HECW1: variants seen among roughly 807,000 people sequenced by gnomAD.
HECW1 encodes HECT, C2 and WW domain containing E3 ubiquitin protein ligase 1.
HECW1 carries 61 observed loss-of-function variants against 182.3 expected under a neutral mutation model. That is an observed-to-expected ratio of 0.33 (90% CI 0.27 to 0.41). HECW1 has a LOEUF of 0.41. Among genes scored for constraint, HECW1 ranks in the 10% least tolerant of loss-of-function variants. HECW1 has a pLI of 1.00. For missense variants in HECW1, 1,739 were observed against 2,108.9 expected (o/e 0.82, Z 3.44); for synonymous variants, 859 against 832.6 (o/e 1.03, Z -0.55).
intron 5 of HECW1, among the ~76,000 whole-genome samples, chr7:43,326,064 T>C (rs925028842): frequency 2.0e-5 from 3 of 152,100 alleles, no homozygotes; most frequent in African/African-American, 4.8e-5. Flanking sequence ...GCCAACAGAT[T>C]CTGCTTCTGC....
intron 3 of HECW1, among the ~76,000 whole-genome samples, chr7:43,293,310 GC>G (rs1805650251): frequency 6.6e-6 from 1 of 152,034 alleles, no homozygotes; most frequent in Non-Finnish European, 1.5e-5. Context: ...CGGTTCAAGG[GC>G]CCGAATACAG....
chr7:43,193,383 G>A (rs879701650), intron 2 of HECW1, among the ~76,000 whole-genome samples: 9 of 151,744 alleles, frequency 5.9e-5, no homozygotes, highest in Admixed American at 2.0e-4. Context: ...CTTACTTCAC[G>A]TGTTTTCTTT....
intron 12 of HECW1, among the ~76,000 whole-genome samples, chr7:43,454,312 A>G (rs964479162): frequency 2.6e-5 from 4 of 152,178 alleles, no homozygotes; most frequent in Non-Finnish European, 4.4e-5. Flanking sequence ...TTCAAAGACT[A>G]ATGCTCATTT....
rs145341515 is a variant in HECW1 at position 43,480,943 on chromosome 7, A to G, written c.3234+1199A>G. Among the ~76,000 whole-genome samples, 1,083 of 152,308 alleles carry G rather than the reference A, an allele frequency of 7.1e-3. 13 individuals carry two copies. The highest frequency in any genetic ancestry group is 0.024 in the African/African-American group (992 of 41,560). ...GAGTCCTGTGTATACTCTGAGAAAC[A>G]TAACTATTTCCAACCAGTGGCACTC... On this transcript the variant is annotated intron_variant, in intron 17 of 29. Transcript: ENST00000395891.
chr7:43,237,879 C>CT (rs1186203002), intron 2 of HECW1, among the ~76,000 whole-genome samples: 6 of 151,310 alleles, frequency 4.0e-5, no homozygotes, highest in Non-Finnish European at 7.4e-5. Flanking sequence ...CTGAGTAGGA[C>CT]TTAGTCTGCT....
intron 5 of HECW1, among the ~76,000 whole-genome samples, chr7:43,349,273 A>G (rs964791295): frequency 1.3e-5 from 2 of 152,214 alleles, no homozygotes; most frequent in Non-Finnish European, 2.9e-5. Context: ...ACCTCAAGTC[A>G]TCTGCCTGCC....
intron 21 of HECW1, among the ~76,000 whole-genome samples, chr7:43,506,142 G>A (rs2079568387): frequency 6.6e-6 from 1 of 152,232 alleles, no homozygotes; most frequent in Admixed American, 6.5e-5. Context: ...TATGATGCAA[G>A]GTCATCTAAT....
chr7:43,539,390 C>A (rs2081286630), intron 24 of HECW1, among the ~76,000 whole-genome samples: 1 of 152,200 alleles, frequency 6.6e-6, no homozygotes, highest in African/African-American at 2.4e-5. Flanking sequence ...TATATCCAGT[C>A]CCAGTATCAA....
chr7:43,455,729 G>T (rs910149984), intron 12 of HECW1, among the ~76,000 whole-genome samples: 6 of 152,160 alleles, frequency 3.9e-5, no homozygotes, highest in Non-Finnish European at 7.3e-5. Flanking sequence ...GATGACCCGT[G>T]CCTGTAATCT....
intron 3 of HECW1, among the ~76,000 whole-genome samples, chr7:43,293,134 C>T (rs755059593): frequency 2.0e-5 from 3 of 148,540 alleles, no homozygotes; most frequent in Non-Finnish European, 3.0e-5. Context: ...GCAGAAGAAT[C>T]GCTTGAACCC....
chr7:43,430,040 AT>A (rs2076492728), intron 8 of HECW1, among the ~76,000 whole-genome samples: 1 of 152,204 alleles, frequency 6.6e-6, no homozygotes, highest in Non-Finnish European at 1.5e-5. Context: ...CCCAAATCAA[AT>A]TAACTTTCCT....
At chr7:43,123,322 G>A (rs1785835914) in intron 2 of HECW1, among the ~76,000 whole-genome samples, 1 of 152,152 alleles carries the variant, frequency 6.6e-6, no homozygotes, top group South Asian at 2.1e-4. Context: ...AAATCATCGT[G>A]ACATTCTTGG....
At chr7:43,547,509 T>C (rs1453699985) in intron 26 of HECW1, among the ~76,000 whole-genome samples, 1 of 151,172 alleles carries the variant, frequency 6.6e-6, no homozygotes, top group African/African-American at 2.4e-5. Flanking sequence ...ATTGCGCCAC[T>C]GCACTCCAGC....
chr7:43,320,686 G>C lies in HECW1; in HGVS notation c.404G>C (p.Gly135Ala). ...FLDYKNRGVN[G>A]SHRGQIIWKI... ...GACTATAAAAACCGTGGAGTCAATG[G>C]TTCTCATCGGGGCCAGATCATCTGG... is the stretch of plus-strand genomic sequence containing the variant. The change falls in exon 5 of 30, where the codon GGT becomes GCT. Residue 135 changes from glycine (G) to alanine (A), a missense_variant. By Grantham distance (60) the Gly-to-Ala change is moderately conservative. Around this residue, in one of 5 missense-constraint regions of HECW1, gnomAD observed 279 missense variants for 353.1 expected, o/e 0.79. Transcript: ENST00000395891. 1 of 1,614,196 alleles carries C rather than the reference G, an allele frequency of 6.2e-7. No individual in the cohort carries two copies. Among genetic ancestry groups the C allele is most frequent in the African/African-American group, 1.3e-5 (1 of 75,050 alleles).
intron 24 of HECW1, among the ~76,000 whole-genome samples, chr7:43,519,528 G>C (rs867338852): frequency 9.2e-5 from 14 of 152,348 alleles, no homozygotes; most frequent in African/African-American, 3.4e-4. Flanking sequence ...ACAGGCGTGA[G>C]CCACCGCGCC....
At chr7:43,474,888 G>A (rs1472138810) in intron 16 of HECW1, among the ~76,000 whole-genome samples, 1 of 152,168 alleles carries the variant, frequency 6.6e-6, no homozygotes, top group East Asian at 1.9e-4. Context: ...AGACACAGAA[G>A]GACAAGAATT....
intron 5 of HECW1, among the ~76,000 whole-genome samples, chr7:43,346,412 A>C (rs2152803521): frequency 6.6e-6 from 1 of 152,110 alleles, no homozygotes; most frequent in South Asian, 2.1e-4. Context: ...AGATGTATAG[A>C]TTGTGAAGAT....
intron 26 of HECW1, among the ~76,000 whole-genome samples, chr7:43,545,195 G>A (rs1464822799): frequency 6.6e-6 from 1 of 152,244 alleles, no homozygotes; most frequent in African/African-American, 2.4e-5. Context: ...AAGGGAGATT[G>A]CATGGCTGGG....
chr7:43,447,793 G>A (rs942936423), intron 11 of HECW1, among the ~76,000 whole-genome samples: 2 of 152,074 alleles, frequency 1.3e-5, no homozygotes, highest in African/African-American at 4.8e-5. Context: ...TTGCTCCTTC[G>A]CCTTGACTTC....
Sources: allele counts gnomAD v4.1 joint callset (sites outside exome capture counted in the v4.1 genomes callset), GRCh38; gene constraint gnomAD v4.1.1; regional missense constraint gnomAD v4.1.1; transcripts MANE v1.5; gene names NCBI Gene and HGNC (gene_info 2026-07-23, HGNC 2026-07-21).